Variants in CSMD1 observed in about 807,000 individuals in gnomAD.
CSMD1 encodes the protein CUB and sushi domain-containing protein 1.
A neutral mutation model predicts 417.5 loss-of-function variants in CSMD1; 213 were observed. The observed-to-expected ratio is 0.51, with a 90% CI of 0.46 to 0.57. The LOEUF is 0.57. Among genes scored for constraint, CSMD1 ranks in the 20% least tolerant of loss-of-function variants. CSMD1 has a pLI of 0.00. For synonymous variants in CSMD1, 2,862 were observed against 1,736.8 expected (o/e 1.65, Z -16.11); for missense variants, 6,923 against 4,529.7 (o/e 1.53, Z -15.17).
At chr8:3,257,450 C>T (rs1034879463) in intron 26 of CSMD1, among the ~76,000 whole-genome samples, 5 of 152,162 alleles carry the variant, frequency 3.3e-5, no homozygotes, top group Non-Finnish European at 5.9e-5. Context: ...GATAACAATA[C>T]AAAATACAAC....
chr8:3,486,542 A>AATAG (rs1370021450), intron 11 of CSMD1, among the ~76,000 whole-genome samples: 4 of 152,178 alleles, frequency 2.6e-5, no homozygotes, highest in African/African-American at 9.7e-5. Context: ...CCTCAGAGAA[A>AATAG]ATAGCCACAG....
At chr8:3,072,677 A>G (rs563399589) in intron 49 of CSMD1, among the ~76,000 whole-genome samples, 1 of 152,294 alleles carries the variant, frequency 6.6e-6, no homozygotes, top group South Asian at 2.1e-4. Flanking sequence ...GCACTAGGGA[A>G]GCAGATGTGG....
intron 5 of CSMD1, among the ~76,000 whole-genome samples, chr8:3,762,309 G>A (rs887431579): frequency 6.6e-6 from 1 of 152,114 alleles, no homozygotes; most frequent in African/African-American, 2.4e-5. Context: ...CACCTGCCTG[G>A]TCGTTTCTGG....
At chr8:4,873,205 T>G (rs1802836542) in intron 1 of CSMD1, among the ~76,000 whole-genome samples, 1 of 152,076 alleles carries the variant, frequency 6.6e-6, no homozygotes, top group Non-Finnish European at 1.5e-5. Context: ...TAATCTGTAT[T>G]TAATTATTGG....
intron 17 of CSMD1, among the ~76,000 whole-genome samples, chr8:3,390,165 G>T (rs1811260254): frequency 6.6e-6 from 1 of 151,916 alleles, no homozygotes; most frequent in South Asian, 2.1e-4. Context: ...GACCAGCCTG[G>T]CCAACCTGAT....
chr8:4,582,536 G>C (rs1305062434), intron 2 of CSMD1, among the ~76,000 whole-genome samples: 1 of 152,164 alleles, frequency 6.6e-6, no homozygotes, highest in Non-Finnish European at 1.5e-5. Context: ...ACAGGAGTGA[G>C]AGATCAGGAA....
chr8:4,281,176 A>T (rs751957892), intron 3 of CSMD1, among the ~76,000 whole-genome samples: 1 of 152,216 alleles, frequency 6.6e-6, no homozygotes, highest in African/African-American at 2.4e-5. Flanking sequence ...TTTTCAGGTC[A>T]AATGTAAATA....
chr8:3,093,090 T>A (rs948922890), intron 47 of CSMD1, among the ~76,000 whole-genome samples: 1 of 152,094 alleles, frequency 6.6e-6, no homozygotes, highest in Non-Finnish European at 1.5e-5. Context: ...CCCCTCAAAT[T>A]TACACATTGA....
At chr8:4,968,543 A>T (rs111770823) in intron 1 of CSMD1, among the ~76,000 whole-genome samples, 2,202 of 152,156 alleles carry the variant, frequency 0.014, 44 homozygotes, top group African/African-American at 0.049. Context: ...AAACCAATTA[A>T]TATTTTTTAT....
chr8:4,121,573 A>AT (rs11425170), intron 3 of CSMD1, among the ~76,000 whole-genome samples: 23,444 of 147,846 alleles, frequency 0.16, 1,996 homozygotes, highest in South Asian at 0.3. Context: ...TCAATCTTTT[A>AT]TTTTTTTTTC....
intron 5 of CSMD1, among the ~76,000 whole-genome samples, chr8:3,913,799 C>G (rs1322767645): frequency 1.3e-5 from 2 of 152,100 alleles, no homozygotes; most frequent in African/African-American, 4.8e-5. Context: ...ATGCTGGGCA[C>G]CAGAGTACTA....
chr8:4,907,211 G>A (rs919645215), intron 1 of CSMD1, among the ~76,000 whole-genome samples: 1 of 152,090 alleles, frequency 6.6e-6, no homozygotes, highest in South Asian at 2.1e-4. Context: ...TACTCTCTTT[G>A]AAATCTTCCT....
At chr8:4,878,336 AATGT>A (rs1803179071) in intron 1 of CSMD1, among the ~76,000 whole-genome samples, 3 of 152,120 alleles carry the variant, frequency 2.0e-5, no homozygotes, top group African/African-American at 7.2e-5. Context: ...AACTCGGGAA[AATGT>A]ACACATAAGT....
intron 7 of CSMD1, among the ~76,000 whole-genome samples, chr8:3,618,958 T>G (rs112022922): frequency 1.6e-4 from 25 of 152,184 alleles, no homozygotes; most frequent in African/African-American, 5.8e-4. Context: ...CTTTCCTGAC[T>G]TGCAGGTCAG....
chr8:4,770,876 C>T (rs1459814620), intron 1 of CSMD1, among the ~76,000 whole-genome samples: 2 of 152,076 alleles, frequency 1.3e-5, no homozygotes, highest in East Asian at 3.9e-4. Context: ...AGGGGAAATG[C>T]TCGTTAACAT....
intron 5 of CSMD1, among the ~76,000 whole-genome samples, chr8:3,840,077 C>T (rs1803021802): frequency 6.6e-6 from 1 of 152,170 alleles, no homozygotes; most frequent in Non-Finnish European, 1.5e-5. Flanking sequence ...AATAGCTCTG[C>T]CTATACTTTC....
chr8:4,144,472 T>C (rs1365964555), intron 3 of CSMD1, among the ~76,000 whole-genome samples: 3 of 151,222 alleles, frequency 2.0e-5, no homozygotes, highest in Non-Finnish European at 4.4e-5. Context: ...CATATCCCAT[T>C]CTGCAAATGG....
intron 10 of CSMD1, among the ~76,000 whole-genome samples, chr8:3,523,973 A>G (rs1375316403): frequency 7.1e-6 from 1 of 141,548 alleles, no homozygotes; most frequent in Non-Finnish European, 1.5e-5. Flanking sequence ...TTACACATGC[A>G]CACACACATG....
chr8:4,936,180 T>C (rs1807608440), intron 1 of CSMD1, among the ~76,000 whole-genome samples: 1 of 152,186 alleles, frequency 6.6e-6, no homozygotes, highest in South Asian at 2.1e-4. Flanking sequence ...TCACATTAAG[T>C]TGAGAGGCAG....
Sources: allele counts gnomAD v4.1 joint callset (sites outside exome capture counted in the v4.1 genomes callset), GRCh38; gene constraint gnomAD v4.1.1; transcripts MANE v1.5; gene names NCBI Gene and HGNC (gene_info 2026-07-23, HGNC 2026-07-21).